JMJD1C: variants seen among roughly 807,000 people sequenced by gnomAD.
The protein encoded by JMJD1C is jumonji domain containing 1C.
Under a neutral mutation model 245.3 loss-of-function variants are expected in JMJD1C, and 31 were observed. The ratio of observed to expected loss-of-function variants is 0.13; its 90% CI spans 0.09 to 0.17. JMJD1C has a LOEUF of 0.17. JMJD1C is among the 10% of genes least tolerant of loss of function. The pLI is 1.00. For missense variants in JMJD1C, 2,691 were observed against 3,000.2 expected (o/e 0.90, Z 2.41); for synonymous variants, 1,057 against 1,017.4 (o/e 1.04, Z -0.74).
chr10:63,184,299 A>C (rs879890823), intron 21 of JMJD1C, among the ~76,000 whole-genome samples: 1 of 142,930 alleles, frequency 7.0e-6, no homozygotes, highest in African/African-American at 2.6e-5. Flanking sequence ...GGAGTGCAGT[A>C]GTGCAATCTC....
intron 2 of JMJD1C, among the ~76,000 whole-genome samples, chr10:63,345,483 T>A (rs534080448): frequency 4.5e-5 from 6 of 132,128 alleles, no homozygotes; most frequent in African/African-American, 1.4e-4. Flanking sequence ...AGTGAGACTT[T>A]GTCTCAAAAA....
At chr10:63,446,923 T>C (rs1244710441) in intron 1 of JMJD1C, among the ~76,000 whole-genome samples, 1 of 152,166 alleles carries the variant, frequency 6.6e-6, no homozygotes, top group Non-Finnish European at 1.5e-5. Context: ...AGAGACTATT[T>C]TCCTTACAAA....
intron 1 of JMJD1C, among the ~76,000 whole-genome samples, chr10:63,479,759 G>T (rs915817668): frequency 1.3e-5 from 2 of 152,138 alleles, no homozygotes; most frequent in African/African-American, 4.8e-5. Context: ...GTCCATAGGT[G>T]ATACATGTAC....
At chr10:63,393,203 G>A (rs1031937931) in intron 1 of JMJD1C, among the ~76,000 whole-genome samples, 18 of 152,248 alleles carry the variant, frequency 1.2e-4, no homozygotes, top group African/African-American at 3.9e-4. Context: ...GAGTTGATGA[G>A]GCTGAAGTGA....
chr10:63,394,196 A>AAG (rs1466932982), intron 1 of JMJD1C, among the ~76,000 whole-genome samples: 4 of 150,424 alleles, frequency 2.7e-5, no homozygotes, highest in Non-Finnish European at 5.9e-5. Flanking sequence ...CCAAAAAAAA[A>AAG]AAAAAAAGGC....
chr10:63,320,243 A>AT (rs1194804891), intron 2 of JMJD1C, among the ~76,000 whole-genome samples: 2 of 151,998 alleles, frequency 1.3e-5, no homozygotes, highest in East Asian at 1.9e-4. Flanking sequence ...ATATTGAGTA[A>AT]TTTTTTCTTT....
At chr10:63,404,969 C>T (rs1949082201) in intron 1 of JMJD1C, among the ~76,000 whole-genome samples, 2 of 152,264 alleles carry the variant, frequency 1.3e-5, no homozygotes, top group South Asian at 4.1e-4. Context: ...TTACCAGCTG[C>T]AATGTTTAAG....
At chr10:63,284,554 G>A (rs1032107273) in intron 2 of JMJD1C, among the ~76,000 whole-genome samples, 1 of 151,942 alleles carries the variant, frequency 6.6e-6, no homozygotes, top group African/African-American at 2.4e-5. Context: ...TAGGTTCTTG[G>A]GAATAACTTA....
intron 2 of JMJD1C, among the ~76,000 whole-genome samples, chr10:63,275,918 G>A (rs1463894711): frequency 6.6e-6 from 1 of 151,904 alleles, no homozygotes; most frequent in East Asian, 1.9e-4. Context: ...TTCTTACATT[G>A]CCATCATTTT....
At chr10:63,227,173 A>T (rs2133355429) in intron 3 of JMJD1C, among the ~76,000 whole-genome samples, 1 of 152,356 alleles carries the variant, frequency 6.6e-6, no homozygotes, top group South Asian at 2.1e-4. Context: ...AGAAAAAAAT[A>T]ACCATCTAGG....
intron 1 of JMJD1C, among the ~76,000 whole-genome samples, chr10:63,499,533 C>CA (rs2133243326): frequency 6.6e-6 from 1 of 152,238 alleles, no homozygotes; most frequent in East Asian, 1.9e-4. Context: ...TAATGTAGAT[C>CA]ATGGCCTTCG....
chr10:63,243,905 T>A (rs1851834400), intron 3 of JMJD1C, among the ~76,000 whole-genome samples: 1 of 152,174 alleles, frequency 6.6e-6, no homozygotes. Context: ...GCAGTGCCCC[T>A]CCCAGCAATC....
chr10:63,476,445 T>G (rs973326333), intron 1 of JMJD1C, among the ~76,000 whole-genome samples: 1 of 152,016 alleles, frequency 6.6e-6, no homozygotes, highest in African/African-American at 2.4e-5. Flanking sequence ...TCAAAAATTA[T>G]AGGCTGGACA....
chr10:63,222,138 G>A (rs919626383), intron 3 of JMJD1C: 1 of 713,178 alleles, frequency 1.4e-6, no homozygotes, highest in African/African-American at 1.7e-5. Flanking sequence ...CGCCAGGGAG[G>A]TCCCCCATCT....
At chr10:63,430,996 T>A (rs1950713192) in intron 1 of JMJD1C, among the ~76,000 whole-genome samples, 1 of 152,120 alleles carries the variant, frequency 6.6e-6, no homozygotes. Context: ...GTGTTAGGAG[T>A]ATAGACGTGA....
intron 2 of JMJD1C, among the ~76,000 whole-genome samples, chr10:63,337,599 A>AAAAG (rs1429484408): frequency 8.9e-6 from 1 of 112,794 alleles, no homozygotes; most frequent in Non-Finnish European, 1.7e-5. Flanking sequence ...AAAAGAAAAG[A>AAAAG]AAAGAAAAGA....
intron 1 of JMJD1C, among the ~76,000 whole-genome samples, chr10:63,501,868 A>G (rs918078942): frequency 1.2e-4 from 19 of 152,340 alleles, no homozygotes; most frequent in African/African-American, 4.1e-4. Context: ...ATCATCACCT[A>G]TGAACAAACT....
chr10:63,520,679 A>G (rs567656462), intron 1 of JMJD1C, among the ~76,000 whole-genome samples: 2 of 152,298 alleles, frequency 1.3e-5, no homozygotes, highest in South Asian at 4.1e-4. Flanking sequence ...TTTACTTTGA[A>G]CATCTGGCAG....
intron 2 of JMJD1C, among the ~76,000 whole-genome samples, chr10:63,326,364 A>AGT (rs1564789785): frequency 6.6e-6 from 1 of 150,494 alleles, no homozygotes; most frequent in Non-Finnish European, 1.5e-5. Context: ...TGGGAGACAG[A>AGT]GCGCAATTCC....
Sources: gnomAD v4.1 joint callset for allele counts (sites outside exome capture counted in the v4.1 genomes callset) on GRCh38, gnomAD v4.1.1 for gene constraint, MANE v1.5 for transcripts, NCBI Gene and HGNC (gene_info 2026-07-23, HGNC 2026-07-21) for gene names.